SORL1: variants seen among roughly 807,000 people sequenced by gnomAD.
SORL1 encodes sortilin related receptor 1.
A neutral mutation model predicts 273.7 loss-of-function variants in SORL1; 127 were observed. The ratio of observed to expected loss-of-function variants is 0.46; its 90% CI spans 0.40 to 0.54. SORL1 has a LOEUF of 0.54. SORL1 is among the 20% of genes least tolerant of loss of function. The pLI, the probability that SORL1 is intolerant of heterozygous loss-of-function variation, is 0.00. For missense variants in SORL1, 2,494 were observed against 2,846.1 expected, an observed-to-expected ratio of 0.88 and a Z score of 2.81; for synonymous variants, 1,031 against 1,067.4, an observed-to-expected ratio of 0.97 and a Z score of 0.66.
At chr11:121,622,386 T>C (rs1863736413) in intron 45 of SORL1, 118 bp downstream of exon 45, 4 of 607,022 alleles carry the variant, frequency 6.6e-6, no homozygotes, top group Non-Finnish European at 8.7e-6. Flanking sequence ...AGAAAAAGAA[T>C]AGGACATGGA....
intron 35 of SORL1, 55 bp from the exon 36 acceptor site, chr11:121,606,790 C>T (rs1863480850): frequency 8.3e-7 from 1 of 1,207,886 alleles, no homozygotes; most frequent in Non-Finnish European, 1.2e-6. Flanking sequence ...AGGAAAATTC[C>T]TCTGGTTGGC....
chr11:121,619,014 G>A, intron 42 of SORL1, 121 bp downstream of exon 42: 3 of 994,716 alleles, frequency 3.0e-6, no homozygotes, highest in African/African-American at 1.6e-5. Context: ...GTGACGAGAG[G>A]CAACTTCCTC....
chr11:121,558,951 C>G, intron 20 of SORL1, 114 bp downstream of exon 20: 1 of 1,366,964 alleles, frequency 7.3e-7, no homozygotes, highest in Non-Finnish European at 9.9e-7. Flanking sequence ...TTAAAGGTTG[C>G]CTTTTTTCCA....
chr11:121,505,659 T>G (rs930643433), intron 6 of SORL1, among the ~76,000 whole-genome samples: 1 of 152,168 alleles, frequency 6.6e-6, no homozygotes, highest in African/African-American at 2.4e-5. Flanking sequence ...TCATTCATCT[T>G]AAAGTATTTT....
At chr11:121,475,496 G>T (rs1196627098) in intron 2 of SORL1, among the ~76,000 whole-genome samples, 5 of 152,176 alleles carry the variant, frequency 3.3e-5, no homozygotes, top group African/African-American at 1.2e-4. Flanking sequence ...TAGTGAAGGT[G>T]GTTTTACCTC....
intron 6 of SORL1, among the ~76,000 whole-genome samples, chr11:121,500,847 A>G (rs1336997259): frequency 1.3e-5 from 2 of 152,252 alleles, no homozygotes; most frequent in Non-Finnish European, 2.9e-5. Flanking sequence ...ATGTCACACC[A>G]GTCTCCCAAG....
At chr11:121,541,199 G>C (rs1862342646) in intron 12 of SORL1, among the ~76,000 whole-genome samples, 1 of 133,604 alleles carries the variant, frequency 7.5e-6, no homozygotes, top group African/African-American at 2.6e-5. Context: ...TTTTGTAGCA[G>C]TATCTTTTTT....
chr11:121,527,653 C>G (rs1197301477), intron 11 of SORL1, among the ~76,000 whole-genome samples: 1 of 152,082 alleles, frequency 6.6e-6, no homozygotes, highest in African/African-American at 2.4e-5. Flanking sequence ...TTTAATTTCT[C>G]TGGTTGATAC....
Position 121,586,309 on chromosome 11 carries a change from G to C in SORL1, c.3794G>C (p.Gly1265Ala), listed in dbSNP as rs1591339568. The C allele has an allele frequency of 6.2e-7, 1 of 1,613,974 alleles. No homozygotes were observed. Among genetic ancestry groups the C allele is most frequent in the East Asian group, 2.2e-5 (1 of 44,884 alleles). ...GATGGTCTGCGTGATTGCTCTGATG[G>C]CTCCGATGAACAGCACTGCGGTGAG... Reference protein sequence around the residue: ...HCDGLRDCSDGSDEQHCEPLC... With the variant: ...HCDGLRDCSDASDEQHCEPLC... The change falls in exon 27 of 48, where the codon GGC becomes GCC. Residue 1265 changes from glycine (G) to alanine (A), a missense_variant. This residue lies in a region of SORL1 where 1,609 missense variants were observed against 1,816.4 expected (regional missense o/e 0.89). Transcript: ENST00000260197.
At chr11:121,621,531 A>G (rs528981261) in intron 44 of SORL1, among the ~76,000 whole-genome samples, 9 of 152,176 alleles carry the variant, frequency 5.9e-5, no homozygotes, top group Non-Finnish European at 1.2e-4. Context: ...GGGATGCCCA[A>G]GAGAGGAAAT....
chr11:121,528,221 C>T (rs1862151377), intron 11 of SORL1, among the ~76,000 whole-genome samples: 1 of 152,106 alleles, frequency 6.6e-6, no homozygotes, highest in African/African-American at 2.4e-5. Flanking sequence ...GTAATCCCAG[C>T]ACTTAGGAAG....
intron 1 of SORL1, among the ~76,000 whole-genome samples, chr11:121,466,963 G>C (rs1312860402): frequency 1.3e-5 from 2 of 150,724 alleles, no homozygotes; most frequent in African/African-American, 2.4e-5. Flanking sequence ...AAAAAGAAGA[G>C]AAAGAAACAA....
chr11:121,503,753 CT>C (rs1269328992), intron 6 of SORL1, among the ~76,000 whole-genome samples: 2 of 152,214 alleles, frequency 1.3e-5, no homozygotes, highest in African/African-American at 4.8e-5. Context: ...ATATCTACCC[CT>C]ATGCCAGCAT....
rs1021486959 is a variant in SORL1, at chr11:121,554,673, A to T, written c.2440-514A>T. Among the ~76,000 whole-genome samples, 2 of 152,190 alleles carry T rather than the reference A, an allele frequency of 1.3e-5. No homozygotes were observed. The highest frequency in any genetic ancestry group is 1.3e-4 in the Admixed American group (2 of 15,278). Reference sequence around the variant, plus strand: ...GCAATTCCAACAAATTTTTATCTAGATTCCAACCCAACAGAAATTTCACAG... The same window carrying T: ...GCAATTCCAACAAATTTTTATCTAGTTTCCAACCCAACAGAAATTTCACAG... On this transcript the variant is annotated intron_variant, in intron 17 of 47. Coordinates refer to ENST00000260197, the MANE Select transcript of SORL1 (RefSeq NM_003105.6). This position sits in a 1 kb window ranked among gnomAD's most constrained non-coding sequence, Gnocchi z 4.6.
intron 38 of SORL1, chr11:121,609,932 T>A (rs1863536520): frequency 6.6e-6 from 1 of 152,258 alleles, no homozygotes; most frequent in Non-Finnish European, 1.5e-5. Context: ...TTGTCCCTGG[T>A]TGCCATGATT....
chr11:121,467,571 G>A (rs1469929787), intron 1 of SORL1, among the ~76,000 whole-genome samples: 2 of 151,788 alleles, frequency 1.3e-5, no homozygotes, highest in Non-Finnish European at 2.9e-5. Flanking sequence ...GTCCTTTATT[G>A]TATTGACATT....
Position 121,624,860 on chromosome 11 carries a change from T to TG in SORL1, c.6172-218dup, listed in dbSNP as rs546329956. Among the ~76,000 whole-genome samples the TG allele has an allele frequency of 2.0e-3, 298 of 152,136 alleles. 2 individuals carry two copies. The Middle Eastern group carries it at 0.027, about 14-fold the overall frequency. Reference sequence around the variant, plus strand: ...TTCATTTCCACGATATAGCTTGTTGTGGGGGGGTGGTGTGGCAGTTATTTG... The same window carrying TG: ...TTCATTTCCACGATATAGCTTGTTGTGGGGGGGGTGGTGTGGCAGTTATTTG... On this transcript the variant is annotated intron_variant, in intron 45 of 47. Transcript: ENST00000260197.
At chr11:121,518,879 T>A (rs1013710843) in intron 8 of SORL1, among the ~76,000 whole-genome samples, 1 of 152,098 alleles carries the variant, frequency 6.6e-6, no homozygotes, top group Admixed American at 6.5e-5. Context: ...ACAGCGTTTC[T>A]CGGCTTTATT....
At chr11:121,501,383 C>T (rs1269616118) in intron 6 of SORL1, among the ~76,000 whole-genome samples, 1 of 152,166 alleles carries the variant, frequency 6.6e-6, no homozygotes, top group Non-Finnish European at 1.5e-5. Context: ...CTTCCTTCTC[C>T]TCCCTGATGC....
Sources: allele counts gnomAD v4.1 joint callset (sites outside exome capture counted in the v4.1 genomes callset), GRCh38; gene constraint gnomAD v4.1.1; regional missense constraint gnomAD v4.1.1; non-coding constraint Gnocchi (gnomAD v3.1); transcripts MANE v1.5; gene names NCBI Gene and HGNC (gene_info 2026-07-23, HGNC 2026-07-21).